The following CSMD1 variants were observed in gnomAD, a reference collection of about 807,000 sequenced individuals.
CSMD1 encodes CUB and sushi domain-containing protein 1.
In CSMD1, 213 loss-of-function variants were observed where a neutral mutation model predicts 417.5. That is an observed-to-expected ratio of 0.51 (90% CI 0.46 to 0.57). The LOEUF (loss-of-function observed/expected upper bound fraction) is 0.57. Ranked by LOEUF, CSMD1 falls within the 20% of genes least tolerant of loss-of-function variation. CSMD1 has a pLI of 0.00. For missense variants in CSMD1, 6,923 were observed against 4,529.7 expected, an observed-to-expected ratio of 1.53 and a Z score of -15.17; for synonymous variants, 2,862 against 1,736.8, an observed-to-expected ratio of 1.65 and a Z score of -16.11.
intron 3 of CSMD1, among the ~76,000 whole-genome samples, chr8:4,113,040 T>G (rs1176722138): frequency 6.6e-6 from 1 of 152,170 alleles, no homozygotes; most frequent in Non-Finnish European, 1.5e-5. Flanking sequence ...TGGTACCATT[T>G]AAGGTGTTTT....
intron 3 of CSMD1, among the ~76,000 whole-genome samples, chr8:4,177,344 G>T (rs1002915571): frequency 6.6e-6 from 1 of 151,902 alleles, no homozygotes; most frequent in African/African-American, 2.4e-5. Context: ...GGTACATAAC[G>T]AAATGACGGC....
chr8:3,849,657 G>A (rs1272490701), intron 5 of CSMD1, among the ~76,000 whole-genome samples: 1 of 152,150 alleles, frequency 6.6e-6, no homozygotes, highest in Non-Finnish European at 1.5e-5. Flanking sequence ...AAGTCCCCAG[G>A]GAGGGGTCGA....
At chr8:4,198,808 T>C (rs1189949963) in intron 3 of CSMD1, among the ~76,000 whole-genome samples, 1 of 152,076 alleles carries the variant, frequency 6.6e-6, no homozygotes, top group Non-Finnish European at 1.5e-5. Context: ...TTAACAGAGG[T>C]CATGGCACAA....
intron 3 of CSMD1, among the ~76,000 whole-genome samples, chr8:4,366,497 A>T (rs1029404142): frequency 6.6e-6 from 1 of 151,842 alleles, no homozygotes; most frequent in African/African-American, 2.4e-5. Context: ...CTTCGATAAA[A>T]CTCCACAGTT....
intron 3 of CSMD1, among the ~76,000 whole-genome samples, chr8:4,247,220 C>A (rs1020570317): frequency 2.0e-5 from 3 of 152,160 alleles, no homozygotes; most frequent in African/African-American, 7.2e-5. Flanking sequence ...ATTCCTGGAA[C>A]AGCGAGAAAG....
At chr8:3,696,057 A>C (rs1349832433) in intron 7 of CSMD1, among the ~76,000 whole-genome samples, 1 of 151,940 alleles carries the variant, frequency 6.6e-6, no homozygotes, top group Non-Finnish European at 1.5e-5. Flanking sequence ...AAAAGCTGTT[A>C]AGATTTTCTT....
At chr8:4,616,431 T>A (rs1407325523) in intron 2 of CSMD1, among the ~76,000 whole-genome samples, 2 of 152,216 alleles carry the variant, frequency 1.3e-5, no homozygotes, top group African/African-American at 2.4e-5. Context: ...GAACACTGGC[T>A]ATTTAGTCTG....
chr8:4,462,010 G>A (rs969046784), intron 2 of CSMD1, among the ~76,000 whole-genome samples: 5 of 151,880 alleles, frequency 3.3e-5, no homozygotes, highest in African/African-American at 1.2e-4. Context: ...CAAATTGCTG[G>A]GATTACAGGC....
chr8:2,992,548 T>G (rs895322526), intron 54 of CSMD1, among the ~76,000 whole-genome samples: 1 of 151,832 alleles, frequency 6.6e-6, no homozygotes, highest in Non-Finnish European at 1.5e-5. Context: ...CTCAGCCTTC[T>G]GAGTAGCTGG....
chr8:4,353,287 G>A (rs907418118), intron 3 of CSMD1, among the ~76,000 whole-genome samples: 2 of 152,004 alleles, frequency 1.3e-5, no homozygotes, highest in African/African-American at 2.4e-5. Context: ...GTTTTATAAA[G>A]GGGAGTTTCC....
intron 26 of CSMD1, among the ~76,000 whole-genome samples, chr8:3,247,177 G>A (rs931281111): frequency 1.3e-5 from 2 of 152,146 alleles, no homozygotes; most frequent in Non-Finnish European, 2.9e-5. Flanking sequence ...GGCAGAAAGA[G>A]GCTCACAGAC....
intron 5 of CSMD1, among the ~76,000 whole-genome samples, chr8:3,943,169 A>G (rs183319620): frequency 1.3e-5 from 2 of 152,140 alleles, no homozygotes; most frequent in African/African-American, 2.4e-5. Context: ...TAATATAAAA[A>G]TGACTCAATT....
chr8:3,532,594 C>G lies in CSMD1; in HGVS notation c.1345-38868G>C, dbSNP rs570860242. Among the ~76,000 whole-genome samples, 134 of 152,224 alleles carry G rather than the reference C, an allele frequency of 8.8e-4. 5 individuals are homozygous for G. In the South Asian group the frequency reaches 0.027, roughly 30 times the overall value. On this transcript the variant is annotated intron_variant, in intron 10 of 69. Transcript: ENST00000635120. Reference sequence around the variant, plus strand: ...GATTTGATGAGTGATTGCATTCATGCCGTTTGGTGTTATTGTAGATTTACT... The same window carrying G: ...GATTTGATGAGTGATTGCATTCATGGCGTTTGGTGTTATTGTAGATTTACT...
chr8:3,817,902 T>G (rs1801480504), intron 5 of CSMD1, among the ~76,000 whole-genome samples: 1 of 152,180 alleles, frequency 6.6e-6, no homozygotes, highest in Admixed American at 6.5e-5. Flanking sequence ...AAGATGCAGA[T>G]TCAGCCCTGT....
intron 50 of CSMD1, among the ~76,000 whole-genome samples, chr8:3,047,276 G>T (rs77646444): frequency 2.7e-5 from 4 of 149,146 alleles, no homozygotes; most frequent in African/African-American, 9.9e-5. Flanking sequence ...GCCAGGCCAA[G>T]TTCTCGCCCC....
In CSMD1 at chr8:3,193,184, C is replaced by T. The variant is rs1339910987; in HGVS notation, c.5195-3069G>A. On this transcript the variant is annotated intron_variant, in intron 33 of 69. Transcript: ENST00000635120. ...TACCTTTGAGAGATACAGGGTATCA[C>T]TATCTTTCCAAGTTCCCAAAATGAG... Among the ~76,000 whole-genome samples the T allele has an allele frequency of 2.6e-5, 4 of 152,150 alleles. No individual in the cohort carries two copies. The East Asian group carries it at 7.7e-4, about 29-fold the overall frequency.
rs1270615645 is a variant in CSMD1 at position 4,059,033 on chromosome 8, C to T, written c.416-26934G>A. 5.3e-5 allele frequency among the ~76,000 whole-genome samples: 8 copies of T among 152,086 alleles called. No homozygotes were observed. The East Asian group carries it at 5.8e-4, about 11-fold the overall frequency. ...CACACCTATTCCAAAATTGACCATA[C>T]AGTTGGAAGTAAAGCTCTCCTCAGC... On this transcript the variant is annotated intron_variant, in intron 3 of 69. Transcript: ENST00000635120.
chr8:3,840,116 A>T (rs1040108823), intron 5 of CSMD1, among the ~76,000 whole-genome samples: 1 of 152,186 alleles, frequency 6.6e-6, no homozygotes, highest in Admixed American at 6.5e-5. Flanking sequence ...TGTTAAAAAG[A>T]CCTATTATGA....
At chr8:3,433,346 C>A (rs990651010) in intron 12 of CSMD1, among the ~76,000 whole-genome samples, 2 of 152,244 alleles carry the variant, frequency 1.3e-5, no homozygotes, top group East Asian at 3.9e-4. Flanking sequence ...TGTTTTTCTG[C>A]AAATATTTTC....
Sources: gnomAD v4.1 joint callset for allele counts (sites outside exome capture counted in the v4.1 genomes callset) on GRCh38, gnomAD v4.1.1 for gene constraint, MANE v1.5 for transcripts, NCBI Gene and HGNC (gene_info 2026-07-23, HGNC 2026-07-21) for gene names.